Variants in NFKBIE observed in about 807,000 individuals in gnomAD.
NFKBIE encodes NFKB inhibitor epsilon, also known as NF-kappa-B inhibitor epsilon.
A neutral mutation model predicts 31.6 loss-of-function variants in NFKBIE; 11 were observed. The ratio of observed to expected loss-of-function variants is 0.35; its 90% CI spans 0.22 to 0.58. The LOEUF is 0.58. Ranked by LOEUF, NFKBIE falls within the 20% of genes least tolerant of loss-of-function variation. The probability of loss-of-function intolerance (pLI) is 0.83; values close to 1 mark genes in which losing one functional copy is unlikely to be tolerated. For synonymous variants in NFKBIE, 208 were observed against 210.1 expected (o/e 0.99, Z 0.09); for missense variants, 354 against 465.7 (o/e 0.76, Z 2.21).
rs528077522 is a variant in NFKBIE, at chr6:44,262,742, A to G, written c.366-80T>C. ...TTGGGGTCTTGGAGTTAGAAGGAACACATCAAACTTTAACTAGCTACCCAT... is the reference window on the plus strand; with the variant it reads ...TTGGGGTCTTGGAGTTAGAAGGAACGCATCAAACTTTAACTAGCTACCCAT... On this transcript the variant is annotated intron_variant, in intron 1 of 5. Coordinates refer to ENST00000619360, the MANE Select transcript of NFKBIE (RefSeq NM_004556.3). 16 of 1,095,540 alleles carry G rather than the reference A, an allele frequency of 1.5e-5. 1 individual carries two copies. The highest frequency in any genetic ancestry group is 1.3e-4 in the South Asian group (10 of 78,268). 67.9% of individuals were successfully genotyped at this position (1,095,540 alleles called of 1,614,324 possible). A position where few individuals can be genotyped will look rare whatever the true frequency, so the allele number is the denominator to read the frequency against.
chr6:44,262,453 C>A, intron 2 of NFKBIE, 107 bp downstream of exon 2: 1 of 912,402 alleles, frequency 1.1e-6, no homozygotes, highest in Non-Finnish European at 1.7e-6. Flanking sequence ...AGCTCAGTGT[C>A]TGGCATATGG....
chr6:44,263,022 G>A lies in NFKBIE; in HGVS notation c.366-360C>T, dbSNP rs894721369. ...AATTGAAAGCTGCCGAAGTAGTCCAGAGGGGGTTTCCAGGGCTAAGCACCC... is the reference window on the plus strand; with the variant it reads ...AATTGAAAGCTGCCGAAGTAGTCCAAAGGGGGTTTCCAGGGCTAAGCACCC... On this transcript the variant is annotated intron_variant, in intron 1 of 5. Transcript: ENST00000619360. This position sits in a 1 kb window ranked among gnomAD's most constrained non-coding sequence, Gnocchi z 5.0. 2.0e-5 allele frequency among the ~76,000 whole-genome samples: 3 copies of A among 152,228 alleles called. No individual in the cohort carries two copies. Among genetic ancestry groups the A allele is most frequent in the Non-Finnish European group, 4.4e-5 (3 of 68,044 alleles).
intron 1 of NFKBIE, among the ~76,000 whole-genome samples, chr6:44,264,289 A>T (rs1373553134): frequency 6.6e-6 from 1 of 152,064 alleles, no homozygotes. Context: ...GCCCACTCCC[A>T]CCAAACTCCA....
At position 44,262,549 on chromosome 6, in the gene NFKBIE, T is replaced by C. The variant is rs1781959934; in HGVS notation, c.468+11A>G. 1 of 1,612,240 alleles carries C rather than the reference T, an allele frequency of 6.2e-7. No homozygotes were observed. The highest frequency in any genetic ancestry group is 1.7e-5 in the Admixed American group (1 of 59,970). On this transcript the variant is annotated intron_variant, in intron 2 of 5. Coordinates refer to ENST00000619360, the MANE Select transcript of NFKBIE (RefSeq NM_004556.3). Reference sequence around the variant, plus strand: ...ACAGGTATCTGGGCATAACATTCTCTCGCCACCAACCTGGTAAAGGTTATT... The same window carrying C: ...ACAGGTATCTGGGCATAACATTCTCCCGCCACCAACCTGGTAAAGGTTATT...
chr6:44,261,937 G>T lies in NFKBIE; in HGVS notation c.469-89C>A. 1 of 1,235,036 alleles carries T rather than the reference G, an allele frequency of 8.1e-7. No individual in the cohort carries two copies. Among genetic ancestry groups the T allele is most frequent in the South Asian group, 1.3e-5 (1 of 76,110 alleles). 76.5% of individuals were successfully genotyped at this position (1,235,036 alleles called of 1,614,324 possible). A position where few individuals can be genotyped will look rare whatever the true frequency, so the allele number is the denominator to read the frequency against. On this transcript the variant is annotated intron_variant, in intron 2 of 5. Transcript: ENST00000619360. This position sits in a 1 kb window ranked among gnomAD's most constrained non-coding sequence, Gnocchi z 4.3. ...TGGGCTCAAGAATCACCAGCTGCCA[G>T]CATCTTCTTTGAAAGCAGCTTATAA...
At position 44,258,998 on chromosome 6, in the gene NFKBIE, A is replaced by G; in HGVS notation, c.*221T>C. The G allele has an allele frequency of 2.3e-6, 1 of 426,468 alleles. No homozygotes were observed. The allele number at this position is 426,468 out of a possible 1,614,324, so 26.4% of individuals were successfully genotyped here. Reference sequence around the variant, plus strand: ...CCTGGGGCTTTGGGGGTCTTCCAAGAAGCCCTGTCCACCTGGAAAGCTCTT... The same window carrying G: ...CCTGGGGCTTTGGGGGTCTTCCAAGGAGCCCTGTCCACCTGGAAAGCTCTT... On this transcript the variant is annotated 3_prime_UTR_variant, in exon 6 of 6. Coordinates refer to ENST00000619360, the MANE Select transcript of NFKBIE (RefSeq NM_004556.3).
Position 44,261,972 on chromosome 6 carries a change from C to T in NFKBIE, c.469-124G>A, listed in dbSNP as rs1781939397. 1.5e-6 allele frequency: 1 copy of T among 675,986 alleles called. No homozygotes were observed. The highest frequency in any genetic ancestry group is 2.8e-5 in the African/African-American group (1 of 35,708). 41.9% of individuals were successfully genotyped at this position (675,986 alleles called of 1,614,324 possible). On this transcript the variant is annotated intron_variant, in intron 2 of 5. Transcript: ENST00000619360. This position sits in a 1 kb window ranked among gnomAD's most constrained non-coding sequence, Gnocchi z 4.3. ...TGAAAGCAGCTTATAAAGGCCATAACCTGTTCTTCCAAGGAAATACTACCG... is the reference window on the plus strand; with the variant it reads ...TGAAAGCAGCTTATAAAGGCCATAATCTGTTCTTCCAAGGAAATACTACCG...
intron 1 of NFKBIE, 103 bp from the exon 2 acceptor site, chr6:44,262,765 CA>C: frequency 3.6e-6 from 3 of 835,132 alleles, no homozygotes; most frequent in Non-Finnish European, 6.0e-6. Context: ...ACTAGCTACC[CA>C]TAGGGTAGGT....
Position 44,260,400 on chromosome 6 carries a change from G to A in NFKBIE, c.780+51C>T, listed in dbSNP as rs1781853288. The A allele has an allele frequency of 1.2e-6, 2 of 1,613,562 alleles. No individual in the cohort carries two copies. Among genetic ancestry groups the A allele is most frequent in the Admixed American group, 1.7e-5 (1 of 60,018 alleles). On this transcript the variant is annotated intron_variant, in intron 4 of 5. Transcript: ENST00000619360. The surrounding 1 kb of genome is among the most constrained non-coding windows in gnomAD (Gnocchi z 5.5). ...TGCTGGGCAGGGGACTTGGGGATGTGTCAGGTGGGGGCAGGCCCTGGGCCG... is the reference window on the plus strand; with the variant it reads ...TGCTGGGCAGGGGACTTGGGGATGTATCAGGTGGGGGCAGGCCCTGGGCCG...
rs1249195494 is a variant in NFKBIE, at chr6:44,265,173, T to C, written c.174A>G (p.Pro58=). Residue 58 remains proline, a synonymous_variant, in exon 1 of 6, where the codon CCA becomes CCG. Coordinates refer to ENST00000619360, the MANE Select transcript of NFKBIE (RefSeq NM_004556.3). ...CCCCATCCGCGTCTTCCTTCTCCTG[T>C]GGTTCCTTGACGGGTCCCGGAGGAT... is the stretch of plus-strand genomic sequence containing the variant. ...CTHPPGPVKE[P]QEKEDADGER... is the part of the protein sequence containing the mutation. 4 of 1,551,822 alleles carry C rather than the reference T, an allele frequency of 2.6e-6. No individual in the cohort carries two copies. Among genetic ancestry groups the C allele is most frequent in the South Asian group, 1.2e-5 (1 of 84,066 alleles).
In NFKBIE at chr6:44,259,088, C is replaced by A. The variant is rs969607727; in HGVS notation, c.*131G>T. The A allele has an allele frequency of 1.1e-6, 1 of 898,138 alleles. No individual in the cohort carries two copies. 55.6% of individuals were successfully genotyped at this position (898,138 alleles called of 1,614,324 possible). ...CTCGGCTCAGGACTGTACTGGCTGG[C>A]CCCAGGCTCTGGCCACAGCAGTCCC... On this transcript the variant is annotated 3_prime_UTR_variant, in exon 6 of 6. Coordinates refer to ENST00000619360, the MANE Select transcript of NFKBIE (RefSeq NM_004556.3).
In NFKBIE at chr6:44,260,864, C is replaced by CACACACACACACATACAG. The variant is rs1781883186; in HGVS notation, c.692-326_692-325insCTGTATGTGTGTGTGTGT. On this transcript the variant is annotated intron_variant, in intron 3 of 5. Transcript: ENST00000619360. This position sits in a 1 kb window ranked among gnomAD's most constrained non-coding sequence, Gnocchi z 5.5. ...ACACACACACACACACATACAGACA[C>CACACACACACACATACAG]ACACACACACACACACACACACACA... is the stretch of plus-strand genomic sequence containing the variant. 8.7e-4 allele frequency among the ~76,000 whole-genome samples: 93 copies of CACACACACACACATACAG among 107,242 alleles called. No individual in the cohort carries two copies. Among genetic ancestry groups the CACACACACACACATACAG allele is most frequent in the African/African-American group, 2.3e-3 (37 of 16,432 alleles). The allele number at this position is 107,242 out of a possible 152,430, so 70.4% of individuals were successfully genotyped here.
In NFKBIE at chr6:44,258,912, C is replaced by T. The variant is rs1036119980; in HGVS notation, c.*307G>A. On this transcript the variant is annotated 3_prime_UTR_variant, in exon 6 of 6. Coordinates refer to ENST00000619360, the MANE Select transcript of NFKBIE (RefSeq NM_004556.3). ...GGTTGGCAGTTTCAGGCTGACCCAA[C>T]ATGGGTAAAACAAGAGCACCTGCCA... 1 of 265,690 alleles carries T rather than the reference C, an allele frequency of 3.8e-6. No homozygotes were observed. The highest frequency in any genetic ancestry group is 7.7e-6 in the Non-Finnish European group (1 of 130,500). The allele number at this position is 265,690 out of a possible 1,614,324, so 16.5% of individuals were successfully genotyped here.
At position 44,261,529 on chromosome 6, in the gene NFKBIE, C is replaced by T; in HGVS notation, c.691+97G>A. The stretch of plus-strand genomic sequence containing the variant: ...TTACAGTGGGAGGGGCACCAATGGA[C>T]AAGCTGGGACCCTCCCTTCCCCAAG... On this transcript the variant is annotated intron_variant, in intron 3 of 5. Coordinates refer to ENST00000619360, the MANE Select transcript of NFKBIE (RefSeq NM_004556.3). The surrounding 1 kb of genome is among the most constrained non-coding windows in gnomAD (Gnocchi z 4.3). 2 of 1,293,372 alleles carry T rather than the reference C, an allele frequency of 1.5e-6. No individual in the cohort carries two copies. Among genetic ancestry groups the T allele is most frequent in the Non-Finnish European group, 2.2e-6 (2 of 922,158 alleles). 80.1% of individuals were successfully genotyped at this position (1,293,372 alleles called of 1,614,324 possible). A position where few individuals can be genotyped will look rare whatever the true frequency, so the allele number is the denominator to read the frequency against.
chr6:44,265,381 G>A lies in NFKBIE; in HGVS notation c.-35C>T. 2 of 1,562,142 alleles carry A rather than the reference G, an allele frequency of 1.3e-6. No homozygotes were observed. Among genetic ancestry groups the A allele is most frequent in the Non-Finnish European group, 1.7e-6 (2 of 1,161,264 alleles). On this transcript the variant is annotated 5_prime_UTR_variant, in exon 1 of 6. Transcript: ENST00000619360. ...TCTGGCCGGCCGGGGCCCGGTCTGA[G>A]CAGGATCCGGCTCCAGGCTCCGCCG...
At chr6:44,264,184 C>G (rs544148577) in intron 1 of NFKBIE, among the ~76,000 whole-genome samples, 10 of 152,340 alleles carry the variant, frequency 6.6e-5, no homozygotes, top group African/African-American at 2.4e-4. Context: ...CCCAACCTTT[C>G]CCTCCTCTGT....
At position 44,260,112 on chromosome 6, in the gene NFKBIE, C is replaced by G; in HGVS notation, c.951G>C (p.Leu317=). The change falls in exon 5 of 6, where the codon CTG becomes CTC. Residue 317 remains leucine (L), a synonymous_variant. Transcript: ENST00000619360. The surrounding 1 kb of genome is among the most constrained non-coding windows in gnomAD (Gnocchi z 5.5). Reference sequence around the variant, plus strand: ...GCAGGGAGTCAGCACCCGCCTTGCACAGAGTGGATGAGATGCCCATGAGAC... The same window carrying G: ...GCAGGGAGTCAGCACCCGCCTTGCAGAGAGTGGATGAGATGCCCATGAGAC... ...GRGLMGISST[L]CKAGADSLLR... 1 of 1,614,240 alleles carries G rather than the reference C, an allele frequency of 6.2e-7. No individual in the cohort carries two copies. Among genetic ancestry groups the G allele is most frequent in the Non-Finnish European group, 8.5e-7 (1 of 1,180,040 alleles).
At position 44,260,420 on chromosome 6, in the gene NFKBIE, G is replaced by C. The variant is rs774834770; in HGVS notation, c.780+31C>G. Reference sequence around the variant, plus strand: ...GATGTGTCAGGTGGGGGCAGGCCCTGGGCCGGGCAGTGCTTTGCTGGCTGT... The same window carrying C: ...GATGTGTCAGGTGGGGGCAGGCCCTCGGCCGGGCAGTGCTTTGCTGGCTGT... On this transcript the variant is annotated intron_variant, in intron 4 of 5. Transcript: ENST00000619360. The surrounding 1 kb of genome is among the most constrained non-coding windows in gnomAD (Gnocchi z 5.5). 1 of 1,613,972 alleles carries C rather than the reference G, an allele frequency of 6.2e-7. No individual in the cohort carries two copies. The highest frequency in any genetic ancestry group is 8.5e-7 in the Non-Finnish European group (1 of 1,179,822).
In NFKBIE at chr6:44,260,350, G is replaced by A. The variant is rs1583008242; in HGVS notation, c.781-68C>T. Reference sequence around the variant, plus strand: ...TGTGCTGGGCCTGGGCTCTGGATAAGGAAGTGAATGCCACCACTTCTGACT... The same window carrying A: ...TGTGCTGGGCCTGGGCTCTGGATAAAGAAGTGAATGCCACCACTTCTGACT... On this transcript the variant is annotated intron_variant, in intron 4 of 5. Transcript: ENST00000619360. This position sits in a 1 kb window ranked among gnomAD's most constrained non-coding sequence, Gnocchi z 5.5. 8 of 1,610,930 alleles carry A rather than the reference G, an allele frequency of 5.0e-6. No individual in the cohort carries two copies. Among genetic ancestry groups the A allele is most frequent in the Non-Finnish European group, 6.8e-6 (8 of 1,177,566 alleles).
Sources: gnomAD v4.1 joint callset for allele counts (sites outside exome capture counted in the v4.1 genomes callset) on GRCh38, gnomAD v4.1.1 for gene constraint, Gnocchi (gnomAD v3.1) non-coding constraint, MANE v1.5 for transcripts, NCBI Gene and HGNC (gene_info 2026-07-23, HGNC 2026-07-21) for gene names.